Variants in TNFAIP8 observed in about 807,000 individuals in gnomAD.
The protein encoded by TNFAIP8 is TNF alpha induced protein 8.
In TNFAIP8, 7 loss-of-function variants were observed where a neutral mutation model predicts 13.3. That is an observed-to-expected ratio of 0.52 (90% CI 0.30 to 0.99). The LOEUF is 0.99. Among genes scored for constraint, TNFAIP8 ranks in the 50% least tolerant of loss-of-function variants. TNFAIP8 has a pLI of 0.07. For missense variants in TNFAIP8, 258 were observed against 236.9 expected (o/e 1.09, Z -0.58); for synonymous variants, 94 against 87.6 (o/e 1.07, Z -0.41).
chr5:119,286,207 C>G (rs1386798312), intron 1 of TNFAIP8, among the ~76,000 whole-genome samples: 2 of 152,132 alleles, frequency 1.3e-5, no homozygotes, highest in Non-Finnish European at 2.9e-5. Context: ...TCTTCAGGCT[C>G]CCAATGTTGG....
chr5:119,360,950 G>A (rs1477638770), intron 1 of TNFAIP8, among the ~76,000 whole-genome samples: 1 of 152,134 alleles, frequency 6.6e-6, no homozygotes, highest in Non-Finnish European at 1.5e-5. Flanking sequence ...GACCAAGTGA[G>A]AGGCAGGTAA....
chr5:119,317,712 C>T (rs1018922660), intron 1 of TNFAIP8, among the ~76,000 whole-genome samples: 1 of 151,964 alleles, frequency 6.6e-6, no homozygotes, highest in Admixed American at 6.6e-5. Flanking sequence ...GATTCTCCTG[C>T]GTCAGCCTCC....
At chr5:119,334,664 C>A (rs1275448149) in intron 1 of TNFAIP8, among the ~76,000 whole-genome samples, 2 of 111,094 alleles carry the variant, frequency 1.8e-5, no homozygotes, top group Non-Finnish European at 3.6e-5. Context: ...TGTGTGTATA[C>A]CTGGGAGTCT....
At chr5:119,287,158 A>C (rs1346202330) in intron 1 of TNFAIP8, among the ~76,000 whole-genome samples, 1 of 151,946 alleles carries the variant, frequency 6.6e-6, no homozygotes, top group Non-Finnish European at 1.5e-5. Context: ...TCTTCCTCTT[A>C]AGGTTTTGTG....
At chr5:119,316,159 C>G (rs910953446) in intron 1 of TNFAIP8, 3 of 133,842 alleles carry the variant, frequency 2.2e-5, no homozygotes, top group Non-Finnish European at 4.8e-5. Flanking sequence ...AGTTCTTCCA[C>G]TTTTTTTTTT....
intron 1 of TNFAIP8, among the ~76,000 whole-genome samples, chr5:119,372,404 G>A (rs1163485372): frequency 6.6e-6 from 1 of 151,148 alleles, no homozygotes; most frequent in East Asian, 1.9e-4. Context: ...TCATAGAAAT[G>A]ATGTTTTAGA....
At chr5:119,332,447 T>C (rs1750413536) in intron 1 of TNFAIP8, among the ~76,000 whole-genome samples, 1 of 152,120 alleles carries the variant, frequency 6.6e-6, no homozygotes, top group Non-Finnish European at 1.5e-5. Flanking sequence ...AGTTTGTCCA[T>C]CACCTTCCAC....
intron 1 of TNFAIP8, among the ~76,000 whole-genome samples, chr5:119,343,431 C>G (rs1156246977): frequency 6.6e-6 from 1 of 152,024 alleles, no homozygotes; most frequent in African/African-American, 2.4e-5. Context: ...ATTTTCTTGT[C>G]TTGTTTTCTT....
At chr5:119,374,238 T>G (rs1214620368) in intron 1 of TNFAIP8, among the ~76,000 whole-genome samples, 1 of 152,170 alleles carries the variant, frequency 6.6e-6, no homozygotes, top group East Asian at 1.9e-4. Context: ...ACTTACTGGT[T>G]GAGCATCCTA....
At chr5:119,366,943 A>G (rs1751880764) in intron 1 of TNFAIP8, among the ~76,000 whole-genome samples, 1 of 152,190 alleles carries the variant, frequency 6.6e-6, no homozygotes, top group Admixed American at 6.5e-5. Flanking sequence ...GGGGAGGGAC[A>G]TGAGGGAGAG....
rs1240802399 is a variant in TNFAIP8, at chr5:119,394,148, T to G, written c.*767T>G. The G allele has an allele frequency of 6.6e-6, 1 of 152,242 alleles. No homozygotes were observed. Among genetic ancestry groups the G allele is most frequent in the Non-Finnish European group, 1.5e-5 (1 of 68,046 alleles). The allele number at this position is 152,242 out of a possible 1,614,324, so 9.4% of individuals were successfully genotyped here. A position where few individuals can be genotyped will look rare whatever the true frequency, so the allele number is the denominator to read the frequency against. ...AAGTGCTGGTGAATTTTCCATTTTT[T>G]ACATCCATTTCACATGTAAGAGACA... is the stretch of plus-strand genomic sequence containing the variant. On this transcript the variant is annotated 3_prime_UTR_variant, in exon 2 of 2. Transcript: ENST00000504771.
intron 1 of TNFAIP8, among the ~76,000 whole-genome samples, chr5:119,303,058 A>G (rs1749444087): frequency 6.6e-6 from 1 of 151,838 alleles, no homozygotes; most frequent in Admixed American, 6.6e-5. Flanking sequence ...TGTTAGAAAG[A>G]CTCCCTTCAT....
At chr5:119,392,756 C>A (rs149035240) in intron 1 of TNFAIP8, 60 bp from the exon 2 acceptor site, 3 of 1,457,742 alleles carry the variant, frequency 2.1e-6, no homozygotes, top group African/African-American at 1.4e-5. Context: ...GTTTTTAGTT[C>A]GCTTCACTTG....
At chr5:119,281,366 GT>G (rs2150804782) in intron 1 of TNFAIP8, among the ~76,000 whole-genome samples, 1 of 143,382 alleles carries the variant, frequency 7.0e-6, no homozygotes, top group South Asian at 2.2e-4. Context: ...AAAATACTTT[GT>G]GAGTTCATAA....
At chr5:119,307,086 C>G (rs933807761) in intron 1 of TNFAIP8, among the ~76,000 whole-genome samples, 10 of 152,114 alleles carry the variant, frequency 6.6e-5, no homozygotes, top group African/African-American at 2.2e-4. Flanking sequence ...CAGAAAATTA[C>G]TCTTTGGGAC....
chr5:119,372,285 C>G (rs1448654962), intron 1 of TNFAIP8, among the ~76,000 whole-genome samples: 1 of 145,544 alleles, frequency 6.9e-6, no homozygotes, highest in African/African-American at 2.5e-5. Context: ...GATCGTGCCA[C>G]TTCACTCCAG....
At chr5:119,392,629 G>A (rs1439156865) in intron 1 of TNFAIP8, among the ~76,000 whole-genome samples, 187 bp from the exon 2 acceptor site, 1 of 152,138 alleles carries the variant, frequency 6.6e-6, no homozygotes, top group Non-Finnish European at 1.5e-5. Flanking sequence ...TGGGATTACA[G>A]GTGTGAGCCA....
rs757554283 is a variant in TNFAIP8, at chr5:119,392,901, C to T, written c.117C>T (p.Ala39=). Residue 39 remains alanine (A), a synonymous_variant, in exon 2 of 2, where the codon GCC becomes GCT. Transcript: ENST00000504771. The part of the protein sequence containing the change: ...ILGKMVSKSI[A]TTLIDDTSSE... ...GTAAAATGGTGTCCAAATCCATCGC[C>T]ACCACCTTAATAGACGACACAAGTA... is the stretch of plus-strand genomic sequence containing the variant. 1.2e-5 allele frequency: 19 copies of T among 1,593,848 alleles called. No individual in the cohort carries two copies. Among genetic ancestry groups the T allele is most frequent in the South Asian group, 1.0e-4 (9 of 88,004 alleles).
intron 1 of TNFAIP8, among the ~76,000 whole-genome samples, chr5:119,314,423 A>G (rs1172496881): frequency 6.6e-6 from 1 of 152,246 alleles, no homozygotes; most frequent in East Asian, 1.9e-4. Context: ...TCATATACAC[A>G]TGCACACACA....
Sources: allele counts gnomAD v4.1 joint callset (sites outside exome capture counted in the v4.1 genomes callset), GRCh38; gene constraint gnomAD v4.1.1; transcripts MANE v1.5; gene names NCBI Gene and HGNC (gene_info 2026-07-23, HGNC 2026-07-21).